Variants in ERAP1 observed in about 807,000 individuals in gnomAD.
ERAP1 encodes the protein adipocyte-derived leucine aminopeptidase.
Under a neutral mutation model 103.7 loss-of-function variants are expected in ERAP1, and 86 were observed. The observed-to-expected ratio is 0.83, with a 90% CI of 0.70 to 0.99. ERAP1 has a LOEUF of 0.99. ERAP1 is among the 50% of genes least tolerant of loss of function. ERAP1 has a pLI of 0.00. For missense variants in ERAP1, 1,009 were observed against 1,128.4 expected (o/e 0.89, Z 1.52); for synonymous variants, 398 against 402.4 (o/e 0.99, Z 0.13).
the ERAP1 span, among the ~76,000 whole-genome samples, chr5:96,922,454 C>T: frequency 6.6e-6 from 1 of 152,148 alleles, no homozygotes; most frequent in African/African-American, 2.4e-5. Flanking sequence ...AGGCTTGGGG[C>T]ACATAAGACT....
chr5:96,915,859 C>A, the ERAP1 span: 1 of 1,153,902 alleles, frequency 8.7e-7, no homozygotes, highest in East Asian at 2.6e-5. Context: ...ATTTGAAGTT[C>A]TCATTTTAGT....
chr5:96,881,685 C>A, the ERAP1 span, among the ~76,000 whole-genome samples: 6 of 152,250 alleles, frequency 3.9e-5, no homozygotes, highest in South Asian at 6.2e-4. Flanking sequence ...TCTGCTCAGC[C>A]ATCCTATGGC....
At chr5:96,773,209 T>C (rs1480304137), downstream of ERAP1, 1 of 153,752 alleles carries the variant, frequency 6.5e-6, no homozygotes. Flanking sequence ...TAATAACAGG[T>C]AACCTGGACA....
At chr5:96,861,513 G>T in the ERAP1 span, among the ~76,000 whole-genome samples, 1 of 152,138 alleles carries the variant, frequency 6.6e-6, no homozygotes, top group Admixed American at 6.6e-5. Flanking sequence ...AGCTCCAAAG[G>T]TACTTGAAGA....
the ERAP1 span, among the ~76,000 whole-genome samples, chr5:96,925,734 T>C: frequency 6.6e-6 from 1 of 152,082 alleles, no homozygotes; most frequent in African/African-American, 2.4e-5. Context: ...GGGTTCCATT[T>C]GGGAAAAAAT....
At chr5:96,762,621 T>C in exon 20 of ERAP1, 1 of 406,478 alleles carries the variant, frequency 2.5e-6, no homozygotes, top group Non-Finnish European at 4.3e-6. Context: ...ATTGTTGCTT[T>C]ATAAGAATTG....
At position 96,776,892 on chromosome 5, in the gene ERAP1, A is replaced by C. The variant is rs117706280; in HGVS notation, c.2671-341T>G. Reference sequence around the variant, plus strand: ...GATGCAAACTTCGTTTTTTAAAAACATGATATCTAAAAAGCAGAATGTGCA... The same window carrying C: ...GATGCAAACTTCGTTTTTTAAAAACCTGATATCTAAAAAGCAGAATGTGCA... On this transcript the variant is annotated intron_variant, in intron 18 of 18. Transcript: ENST00000443439. 128 of 239,908 alleles carry C rather than the reference A, an allele frequency of 5.3e-4. 1 individual carries two copies. In the East Asian group the frequency reaches 5.7e-3, roughly 11 times the overall value. 14.9% of individuals were successfully genotyped at this position (239,908 alleles called of 1,614,324 possible). A position where few individuals can be genotyped will look rare whatever the true frequency, so the allele number is the denominator to read the frequency against.
the ERAP1 span, among the ~76,000 whole-genome samples, chr5:96,920,886 A>G: frequency 6.6e-6 from 1 of 152,264 alleles, no homozygotes; most frequent in Admixed American, 6.5e-5. Flanking sequence ...TGTATTTCAT[A>G]TAATCTTCTA....
At chr5:96,799,652 T>C (rs1017962738) in intron 3 of ERAP1, among the ~76,000 whole-genome samples, 2 of 152,202 alleles carry the variant, frequency 1.3e-5, no homozygotes, top group African/African-American at 4.8e-5. Flanking sequence ...AGAACTTTGA[T>C]TCACCAATTA....
At chr5:96,854,209 G>C in the ERAP1 span, among the ~76,000 whole-genome samples, 1 of 152,098 alleles carries the variant, frequency 6.6e-6, no homozygotes, top group Non-Finnish European at 1.5e-5. Context: ...TCTCTTATGA[G>C]AATCAAATGA....
chr5:96,801,765 T>C (rs1403611140), intron 2 of ERAP1, among the ~76,000 whole-genome samples: 1 of 146,064 alleles, frequency 6.8e-6, no homozygotes, highest in Non-Finnish European at 1.5e-5. Context: ...GGCAGGAGAA[T>C]TGCTTGAACC....
At chr5:96,915,702 C>A in the ERAP1 span, 1 of 1,550,134 alleles carries the variant, frequency 6.5e-7, no homozygotes, top group South Asian at 1.3e-5. Flanking sequence ...GACTTGGGCT[C>A]ATATGACATA....
At chr5:96,813,774 A>G in the ERAP1 span, among the ~76,000 whole-genome samples, 1 of 151,654 alleles carries the variant, frequency 6.6e-6, no homozygotes, top group Non-Finnish European at 1.5e-5. Context: ...TGTTATATCT[A>G]GCTAAAAGAA....
the ERAP1 span, among the ~76,000 whole-genome samples, chr5:96,818,152 T>G: frequency 1.3e-5 from 2 of 151,766 alleles, no homozygotes; most frequent in African/African-American, 2.4e-5. Context: ...CACTTGGGAG[T>G]GAGATGAATA....
chr5:96,847,947 G>A, the ERAP1 span, among the ~76,000 whole-genome samples: 2 of 151,648 alleles, frequency 1.3e-5, no homozygotes, highest in Non-Finnish European at 2.9e-5. Context: ...GTTAGTACAA[G>A]GAAGGAAATA....
At chr5:96,883,872 A>G in the ERAP1 span, 5 of 1,613,834 alleles carry the variant, frequency 3.1e-6, no homozygotes, top group South Asian at 1.1e-5. Context: ...TTCAAAGCCA[A>G]CTTTTCAATC....
chr5:96,820,914 A>G, the ERAP1 span, among the ~76,000 whole-genome samples: 1 of 152,048 alleles, frequency 6.6e-6, no homozygotes, highest in African/African-American at 2.4e-5. Flanking sequence ...GAATATTTGT[A>G]TCAGGGTTCT....
At chr5:96,869,557 G>A in the ERAP1 span, among the ~76,000 whole-genome samples, 1 of 152,176 alleles carries the variant, frequency 6.6e-6, no homozygotes, top group Non-Finnish European at 1.5e-5. Flanking sequence ...ATGGTAGAAG[G>A]AGCAATCTGT....
chr5:96,894,110 G>A, the ERAP1 span, among the ~76,000 whole-genome samples: 1 of 152,166 alleles, frequency 6.6e-6, no homozygotes, highest in African/African-American at 2.4e-5. Flanking sequence ...TTGTATTGAG[G>A]CAGTGGCTAT....
Sources: gnomAD v4.1 joint callset for allele counts (sites outside exome capture counted in the v4.1 genomes callset) on GRCh38, gnomAD v4.1.1 for gene constraint, MANE v1.5 for transcripts, NCBI Gene and HGNC (gene_info 2026-07-23, HGNC 2026-07-21) for gene names.